Variants in ABTB1 observed in about 807,000 individuals in gnomAD.
ABTB1 encodes ankyrin repeat and BTB domain containing 1.
ABTB1 carries 45 observed loss-of-function variants against 57.1 expected under a neutral mutation model. The observed-to-expected ratio is 0.79, with a 90% CI of 0.62 to 1.01. The LOEUF (loss-of-function observed/expected upper bound fraction) is 1.01, where lower values mean the gene tolerates loss of function less well. Ranked by LOEUF, ABTB1 falls within the 50% of genes least tolerant of loss-of-function variation. ABTB1 has a pLI of 0.00. For missense variants in ABTB1, 630 were observed against 666.3 expected (o/e 0.95, Z 0.60); for synonymous variants, 302 against 275.4 (o/e 1.10, Z -0.95).
chr3:127,674,267 GC>G (rs1303081932), intron 1 of ABTB1, 123 bp from the exon 2 acceptor site: 24 of 1,283,076 alleles, frequency 1.9e-5, no homozygotes, highest in Admixed American at 1.6e-4. Flanking sequence ...CCTGTCACCT[GC>G]CCTCACCTGG....
At position 127,677,200 on chromosome 3, in the gene ABTB1, C is replaced by A; in HGVS notation, c.676C>A (p.Leu226Met). 1 of 1,612,088 alleles carries A rather than the reference C, an allele frequency of 6.2e-7. No homozygotes were observed. Among genetic ancestry groups the A allele is most frequent in the Non-Finnish European group, 8.5e-7 (1 of 1,179,248 alleles). The change falls in exon 8 of 12, where the codon CTG (leucine) becomes ATG (methionine). Residue 226 changes from leucine (L) to methionine (M), a missense_variant. Physicochemically the swap from Leu to Met is conservative, Grantham distance 15 (BLOSUM62 2). Around this residue, in one of 3 missense-constraint regions of ABTB1, gnomAD observed 579 missense variants for 585.9 expected, o/e 0.99. Transcript: ENST00000232744. Reference sequence around the variant, plus strand: ...TAAGCCAGGCACGTGTGTGAAGGTGCTGACCATCGAGCCCCCACCTGCAGA... The same window carrying A: ...TAAGCCAGGCACGTGTGTGAAGGTGATGACCATCGAGCCCCCACCTGCAGA... ...ASKPGTCVKV[L>M]TIEPPPADPR...
In ABTB1 at chr3:127,676,586, C is replaced by T; in HGVS notation, c.526+5C>T. ...TGCTGCAGTACCTGTACACAGGTGA[C>T]CCCCTGGGTCCAGGGTAGGAGGAGA... On this transcript the variant is annotated splice_donor_5th_base_variant and intron_variant, in intron 6 of 11. Transcript: ENST00000232744. This position sits in a 1 kb window ranked among gnomAD's most constrained non-coding sequence, Gnocchi z 5.4. 6.2e-7 allele frequency: 1 copy of T among 1,613,618 alleles called. No individual in the cohort carries two copies. The highest frequency in any genetic ancestry group is 8.5e-7 in the Non-Finnish European group (1 of 1,179,922).
At chr3:127,677,333 C>T in intron 8 of ABTB1, 47 bp downstream of exon 8, 1 of 1,562,230 alleles carries the variant, frequency 6.4e-7, no homozygotes, top group Non-Finnish European at 8.7e-7. Context: ...GGATGGCAGG[C>T]CGTGACAGGC....
intron 1 of ABTB1, 99 bp downstream of exon 1, chr3:127,673,180 C>A: frequency 1.6e-6 from 2 of 1,276,888 alleles, no homozygotes; most frequent in South Asian, 1.7e-5. Flanking sequence ...GAGAGGCGGG[C>A]GCCTCTGCCG....
chr3:127,679,871 C>T (rs1429690519), intron 10 of ABTB1, 114 bp from the exon 11 acceptor site: 5 of 1,054,442 alleles, frequency 4.7e-6, no homozygotes, highest in African/African-American at 1.6e-5. Context: ...CCTACTCCCA[C>T]TGGAAGCCTT....
At position 127,677,552 on chromosome 3, in the gene ABTB1, C is replaced by G. The variant is rs199580564; in HGVS notation, c.850C>G (p.Leu284Val). 21 of 1,613,950 alleles carry G rather than the reference C, an allele frequency of 1.3e-5. No homozygotes were observed. The highest frequency in any genetic ancestry group is 3.3e-4 in the Middle Eastern group (2 of 6,062). Residue 284 changes from leucine (L) to valine (V), a missense_variant, in exon 9 of 12, where the codon CTC becomes GTC. Leu to Val is a conservative substitution (Grantham distance 32). This residue lies in a region of ABTB1 where 579 missense variants were observed against 585.9 expected (regional missense o/e 0.99). Coordinates refer to ENST00000232744, the MANE Select transcript of ABTB1 (RefSeq NM_172027.3). ...ICFRVAGCSF[L>V]CHKAFFCGRS... The stretch of plus-strand genomic sequence containing the variant: ...CTTCCGAGTGGCTGGCTGCAGCTTC[C>G]TCTGCCACAAGGTGCCTGTGCCCTC...
At position 127,680,495 on chromosome 3, in the gene ABTB1, C is replaced by G; in HGVS notation, c.*20C>G. On this transcript the variant is annotated 3_prime_UTR_variant, in exon 12 of 12. Coordinates refer to ENST00000232744, the MANE Select transcript of ABTB1 (RefSeq NM_172027.3). ...TGTTGAGCCCCTGGCTGGGCAGCCC[C>G]AGGGGCCAGGAGCTCTCTTGGAGAC... The G allele has an allele frequency of 6.3e-7, 1 of 1,596,644 alleles. No individual in the cohort carries two copies. Among genetic ancestry groups the G allele is most frequent in the African/African-American group, 1.3e-5 (1 of 74,972 alleles).
intron 10 of ABTB1, 160 bp from the exon 11 acceptor site, chr3:127,679,825 C>A (rs1344874896): frequency 9.6e-6 from 6 of 623,288 alleles, no homozygotes; most frequent in Non-Finnish European, 1.7e-5. Flanking sequence ...CTGGGCCAGC[C>A]CCCCGACCCC....
chr3:127,673,316 G>A (rs2074893350), intron 1 of ABTB1: 1 of 349,282 alleles, frequency 2.9e-6, no homozygotes, highest in East Asian at 4.9e-5. Context: ...CCTGTAAGAA[G>A]GGACTGCTCA....
Position 127,680,728 on chromosome 3 carries a change from TGGGGTG to T in ABTB1, c.*262_*267del. ...GGGGTGGACACCACTCAGGGAAACCTGGGGTGGGGGTGGGCTTTGGTCTTAGCACTT... is the reference window on the plus strand; with the variant it reads ...GGGGTGGACACCACTCAGGGAAACCTGGGGTGGGCTTTGGTCTTAGCACTT... On this transcript the variant is annotated 3_prime_UTR_variant, in exon 12 of 12. Coordinates refer to ENST00000232744, the MANE Select transcript of ABTB1 (RefSeq NM_172027.3). 3.0e-6 allele frequency: 2 copies of T among 677,528 alleles called. No homozygotes were observed. Among genetic ancestry groups the T allele is most frequent in the Non-Finnish European group, 5.3e-6 (2 of 380,314 alleles). The allele number at this position is 677,528 out of a possible 1,614,324, so 42.0% of individuals were successfully genotyped here. A position where few individuals can be genotyped will look rare whatever the true frequency, so the allele number is the denominator to read the frequency against.
chr3:127,677,025 C>T lies in ABTB1; in HGVS notation c.585C>T (p.Cys195=), dbSNP rs1216168718. The change falls in exon 7 of 12, where the codon TGC becomes TGT. Residue 195 remains cysteine (C), a synonymous_variant. Coordinates refer to ENST00000232744, the MANE Select transcript of ABTB1 (RefSeq NM_172027.3). ...ACTGTGAGCGCCTGGCCAAGCAATG[C>T]CAGCTGTGGGACCTGCTCAGCGACC... ...VSDCERLAKQ[C]QLWDLLSDLE... is the part of the protein sequence containing the mutation. The T allele has an allele frequency of 6.2e-7, 1 of 1,614,086 alleles. No individual in the cohort carries two copies. Among genetic ancestry groups the T allele is most frequent in the Non-Finnish European group, 8.5e-7 (1 of 1,179,988 alleles).
chr3:127,680,185 G>C lies in ABTB1; in HGVS notation c.1230G>C (p.Lys410Asn). The change falls in exon 11 of 12, where the codon AAG (lysine) becomes AAC (asparagine). Residue 410 changes from lysine (K) to asparagine (N), a missense_variant and splice_region_variant. This residue lies in a region of ABTB1 where 579 missense variants were observed against 585.9 expected (regional missense o/e 0.99). Coordinates refer to ENST00000232744, the MANE Select transcript of ABTB1 (RefSeq NM_172027.3). ...AGTACATGGCCAAGGTCATTGAGAA[G>C]GTGGGCCAGTGGTCTGCAGTGGGTG... ...CTEYMAKVIE[K>N]LVEREDFVEA... The C allele has an allele frequency of 6.2e-7, 1 of 1,613,828 alleles. No individual in the cohort carries two copies. The highest frequency in any genetic ancestry group is 1.1e-5 in the South Asian group (1 of 91,082).
intron 3 of ABTB1, among the ~76,000 whole-genome samples, chr3:127,675,094 G>T (rs1036278789): frequency 6.6e-6 from 1 of 152,012 alleles, no homozygotes; most frequent in African/African-American, 2.4e-5. Flanking sequence ...CCCTGTTCCT[G>T]CCCCAGGGCC....
rs1667035223 is a variant in ABTB1 at position 127,676,503 on chromosome 3, C to A, written c.481-33C>A. 6.2e-7 allele frequency: 1 copy of A among 1,614,008 alleles called. No individual in the cohort carries two copies. Among genetic ancestry groups the A allele is most frequent in the Non-Finnish European group, 8.5e-7 (1 of 1,180,014 alleles). ...GCAGGAGGTTGTGCTGGGTGGCTGC[C>A]TCTGACATTACTTTCTGGTTTTCTG... On this transcript the variant is annotated intron_variant, in intron 5 of 11. Coordinates refer to ENST00000232744, the MANE Select transcript of ABTB1 (RefSeq NM_172027.3). This position sits in a 1 kb window ranked among gnomAD's most constrained non-coding sequence, Gnocchi z 5.4.
chr3:127,677,031 G>A lies in ABTB1; in HGVS notation c.591G>A (p.Leu197=). Residue 197 remains leucine (L), a synonymous_variant, in exon 7 of 12, where the codon CTG becomes CTA. Coordinates refer to ENST00000232744, the MANE Select transcript of ABTB1 (RefSeq NM_172027.3). ...AGCGCCTGGCCAAGCAATGCCAGCT[G>A]TGGGACCTGCTCAGCGACCTGGAGG... ...DCERLAKQCQ[L]WDLLSDLEAK... The A allele has an allele frequency of 6.2e-7, 1 of 1,614,142 alleles. No homozygotes were observed. Among genetic ancestry groups the A allele is most frequent in the Non-Finnish European group, 8.5e-7 (1 of 1,180,006 alleles).
chr3:127,680,365 A>C lies in ABTB1; in HGVS notation c.1327A>C (p.Ile443Leu). 1.9e-6 allele frequency: 3 copies of C among 1,608,676 alleles called. No individual in the cohort carries two copies. Among genetic ancestry groups the C allele is most frequent in the African/African-American group, 1.3e-5 (1 of 75,014 alleles). Residue 443 changes from isoleucine (I) to leucine (L), a missense_variant, in exon 12 of 12, where the codon ATC becomes CTC. Around this residue, in one of 3 missense-constraint regions of ABTB1, gnomAD observed 43 missense variants for 56.1 expected, o/e 0.77. Coordinates refer to ENST00000232744, the MANE Select transcript of ABTB1 (RefSeq NM_172027.3). ...GGACTCTATCCCGCTGGTGGACGAC[A>C]TCCGCTTCCACGTGGCCAGCACGGT... ...ETDSIPLVDDIRFHVASTVQT... is the reference protein window; with the variant it reads ...ETDSIPLVDDLRFHVASTVQT...
intron 10 of ABTB1, chr3:127,679,216 A>T (rs1346798585): frequency 4.0e-6 from 1 of 248,322 alleles, no homozygotes; most frequent in Non-Finnish European, 8.2e-6. Flanking sequence ...ATCTTGGGCC[A>T]GTTACTTAAC....
In ABTB1 at chr3:127,677,861, G is replaced by A; in HGVS notation, c.1029+18G>A. ...ACACTGAGGTGGGGGCTCAGGCAGA[G>A]CTGGGGATGGCACACAACCTGTGCT... On this transcript the variant is annotated intron_variant, in intron 10 of 11. Coordinates refer to ENST00000232744, the MANE Select transcript of ABTB1 (RefSeq NM_172027.3). 6.2e-7 allele frequency: 1 copy of A among 1,608,282 alleles called. No homozygotes were observed. Among genetic ancestry groups the A allele is most frequent in the South Asian group, 1.1e-5 (1 of 90,682 alleles).
chr3:127,673,759 C>T (rs545668620), intron 1 of ABTB1, among the ~76,000 whole-genome samples: 1 of 152,338 alleles, frequency 6.6e-6, no homozygotes, highest in South Asian at 2.1e-4. Flanking sequence ...CCGTAGCCTC[C>T]CTGGGCCGCT....
Sources: allele counts gnomAD v4.1 joint callset (sites outside exome capture counted in the v4.1 genomes callset), GRCh38; gene constraint gnomAD v4.1.1; regional missense constraint gnomAD v4.1.1; non-coding constraint Gnocchi (gnomAD v3.1); transcripts MANE v1.5; gene names NCBI Gene and HGNC (gene_info 2026-07-23, HGNC 2026-07-21).